The following ARHGAP26 variants were observed in gnomAD, a reference collection of about 807,000 sequenced individuals.
ARHGAP26 encodes Rho GTPase activating protein 26.
A neutral mutation model predicts 104.8 loss-of-function variants in ARHGAP26; 38 were observed. That is an observed-to-expected ratio of 0.36 (90% CI 0.28 to 0.48). ARHGAP26 has a LOEUF of 0.48. Ranked by LOEUF, ARHGAP26 falls within the 20% of genes least tolerant of loss-of-function variation. ARHGAP26 has a pLI of 0.99. For synonymous variants in ARHGAP26, 341 were observed against 340.0 expected (o/e 1.00, Z -0.03); for missense variants, 704 against 947.9 (o/e 0.74, Z 3.38).
At chr5:143,159,106 G>C (rs1045404495) in intron 20 of ARHGAP26, among the ~76,000 whole-genome samples, 1 of 152,230 alleles carries the variant, frequency 6.6e-6, no homozygotes, top group African/African-American at 2.4e-5. Context: ...CAGGAACCCA[G>C]AAGGATATAT....
chr5:143,036,116 A>T (rs1016384683), intron 12 of ARHGAP26, among the ~76,000 whole-genome samples: 7 of 152,130 alleles, frequency 4.6e-5, no homozygotes, highest in African/African-American at 1.7e-4. Flanking sequence ...GGTTCTGCTC[A>T]CTTCTCAAAT....
rs551782624 is a variant in ARHGAP26, at chr5:142,993,210, C to T, written c.1108-20870C>T. ...CGGAGTCTCGCTCTGTCGCCCAGGCCGGACTGCGGACTGCAGTGGCGCAAT... is the reference window on the plus strand; with the variant it reads ...CGGAGTCTCGCTCTGTCGCCCAGGCTGGACTGCGGACTGCAGTGGCGCAAT... On this transcript the variant is annotated intron_variant, in intron 11 of 22. Coordinates refer to ENST00000645722, the MANE Select transcript of ARHGAP26 (RefSeq NM_001135608.3). Among the ~76,000 whole-genome samples, 191 of 145,888 alleles carry T rather than the reference C, an allele frequency of 1.3e-3. 2 individuals carry two copies. Among genetic ancestry groups the T allele is most frequent in the African/African-American group, 4.2e-3 (167 of 39,602 alleles).
chr5:143,093,864 C>T (rs1012680419), intron 17 of ARHGAP26, among the ~76,000 whole-genome samples: 2 of 152,322 alleles, frequency 1.3e-5, no homozygotes, highest in Admixed American at 6.5e-5. Flanking sequence ...AGGTTCAACC[C>T]CACACCATGG....
At chr5:142,933,832 C>T (rs1197435707) in intron 11 of ARHGAP26, among the ~76,000 whole-genome samples, 1 of 152,212 alleles carries the variant, frequency 6.6e-6, no homozygotes, top group Non-Finnish European at 1.5e-5. Flanking sequence ...AGTTGGCAGT[C>T]TCCATCCTAG....
rs186104772 is a variant in ARHGAP26 at position 143,227,739 on chromosome 5, T to A, written c.*5293T>A. The A allele has an allele frequency of 4.4e-6, 1 of 226,686 alleles. No individual in the cohort carries two copies. The highest frequency in any genetic ancestry group is 6.3e-5 in the East Asian group (1 of 15,794). The allele number at this position is 226,686 out of a possible 1,614,324, so 14.0% of individuals were successfully genotyped here. On this transcript the variant is annotated 3_prime_UTR_variant, in exon 23 of 23. Transcript: ENST00000645722. ...CTTCCAGTGGAAGCACCTGTATTAT[T>A]GAGAGGAAAAAGTGTTGGATGCAAA...
intron 22 of ARHGAP26, among the ~76,000 whole-genome samples, chr5:143,217,733 C>T (rs1435685277): frequency 1.3e-5 from 2 of 152,216 alleles, no homozygotes; most frequent in Middle Eastern, 3.2e-3. Context: ...TTCGCTGCCA[C>T]GCCCAAGCCC....
At chr5:142,858,042 TGAG>T (rs1341277426) in intron 1 of ARHGAP26, among the ~76,000 whole-genome samples, 11 of 134,162 alleles carry the variant, frequency 8.2e-5, no homozygotes, top group Non-Finnish European at 1.8e-4. Flanking sequence ...AGAGAAGGAA[TGAG>T]AGAGAGAGAG....
intron 11 of ARHGAP26, among the ~76,000 whole-genome samples, chr5:143,007,477 G>T (rs1402228620): frequency 6.6e-6 from 1 of 152,178 alleles, no homozygotes; most frequent in South Asian, 2.1e-4. Context: ...CATAATGGTT[G>T]CATTGTTGCC....
chr5:142,925,339 G>GA (rs1482732846), intron 10 of ARHGAP26, among the ~76,000 whole-genome samples: 1 of 152,086 alleles, frequency 6.6e-6, no homozygotes, highest in Non-Finnish European at 1.5e-5. Context: ...AACTGCAAAA[G>GA]AAAAAACCAA....
intron 1 of ARHGAP26, among the ~76,000 whole-genome samples, chr5:142,847,482 G>A (rs774247032): frequency 1.3e-5 from 2 of 151,862 alleles, no homozygotes; most frequent in Non-Finnish European, 2.9e-5. Context: ...TTCAGCCTCC[G>A]GAGTAGCTGG....
chr5:143,198,627 C>G (rs541503018), intron 20 of ARHGAP26, among the ~76,000 whole-genome samples: 4 of 152,092 alleles, frequency 2.6e-5, no homozygotes, highest in African/African-American at 4.8e-5. Context: ...TTCCCTCTAC[C>G]TCATATTTCT....
At chr5:143,152,489 G>C (rs17287627) in intron 20 of ARHGAP26, among the ~76,000 whole-genome samples, 26,952 of 152,200 alleles carry the variant, frequency 0.18, 2,543 homozygotes, top group Non-Finnish European at 0.21. Flanking sequence ...CTTGGGAGCA[G>C]ATGATACTCT....
intron 17 of ARHGAP26, among the ~76,000 whole-genome samples, chr5:143,103,610 T>C (rs1176954100): frequency 6.6e-6 from 1 of 151,900 alleles, no homozygotes; most frequent in African/African-American, 2.4e-5. Flanking sequence ...TGGAATACTA[T>C]GAAGCCATAA....
chr5:143,214,337 C>T (rs1809997709), intron 22 of ARHGAP26, among the ~76,000 whole-genome samples: 1 of 152,172 alleles, frequency 6.6e-6, no homozygotes, highest in Admixed American at 6.5e-5. Flanking sequence ...GTTGTTACCA[C>T]TGTAAATGAG....
At chr5:143,037,705 G>A (rs1161501660) in intron 13 of ARHGAP26, among the ~76,000 whole-genome samples, 5 of 152,196 alleles carry the variant, frequency 3.3e-5, no homozygotes, top group Non-Finnish European at 5.9e-5. Context: ...TGCAGGTACC[G>A]CTAATGCTCC....
chr5:142,985,951 G>A (rs79840374), intron 11 of ARHGAP26, among the ~76,000 whole-genome samples: 84,699 of 151,844 alleles, frequency 0.56, 27,447 homozygotes, highest in Non-Finnish European at 0.74. Context: ...ATTGTGAATA[G>A]TGCCGCAATA....
At chr5:143,133,738 A>T (rs1467112505) in intron 18 of ARHGAP26, among the ~76,000 whole-genome samples, 1 of 152,226 alleles carries the variant, frequency 6.6e-6, no homozygotes, top group Non-Finnish European at 1.5e-5. Flanking sequence ...AAGAGGTTAG[A>T]AATGGAAGTG....
intron 19 of ARHGAP26, among the ~76,000 whole-genome samples, chr5:143,141,291 C>T (rs1798504700): frequency 6.6e-6 from 1 of 152,222 alleles, no homozygotes; most frequent in African/African-American, 2.4e-5. Context: ...ACTTTTGGCA[C>T]TATCACCAAG....
rs1562163912 is a variant in ARHGAP26, at chr5:142,963,163, G to GATATATATATAT, written c.1107+31038_1107+31039insATATATATATAT. ...TTTTTATGGCTGTGTAGTATTCCATGGTATATATGTATATATATATATATA... is the reference window on the plus strand; with the variant it reads ...TTTTTATGGCTGTGTAGTATTCCATGATATATATATATGTATATATGTATATATATATATATA... On this transcript the variant is annotated intron_variant, in intron 11 of 22. Transcript: ENST00000645722. Among the ~76,000 whole-genome samples the GATATATATATAT allele has an allele frequency of 4.6e-4, 52 of 112,168 alleles. 1 individual carries two copies. The highest frequency in any genetic ancestry group is 1.1e-3 in the East Asian group (4 of 3,570). 73.6% of individuals were successfully genotyped at this position (112,168 alleles called of 152,430 possible). A position where few individuals can be genotyped will look rare whatever the true frequency, so the allele number is the denominator to read the frequency against.
Sources: gnomAD v4.1 joint callset for allele counts (sites outside exome capture counted in the v4.1 genomes callset) on GRCh38, gnomAD v4.1.1 for gene constraint, MANE v1.5 for transcripts, NCBI Gene and HGNC (gene_info 2026-07-23, HGNC 2026-07-21) for gene names.